The following ZNF578 variants were observed in gnomAD, a reference collection of about 807,000 sequenced individuals.
ZNF578 encodes Putative chemokine-related protein B42.
A neutral mutation model predicts 8.3 loss-of-function variants in ZNF578; 8 were observed. That is an observed-to-expected ratio of 0.96 (90% CI 0.56 to 1.74). The LOEUF is 1.74. Among genes scored for constraint, ZNF578 ranks in the 40% most tolerant of loss-of-function variants. The pLI is 0.00. For synonymous variants in ZNF578, 206 were observed against 232.2 expected, an observed-to-expected ratio of 0.89 and a Z score of 1.03; for missense variants, 726 against 707.5, an observed-to-expected ratio of 1.03 and a Z score of -0.30.
chr19:52,502,027 T>G lies in ZNF578; in HGVS notation c.63+119T>G, dbSNP rs186630461. ...AGTCTTTTCTGAGTCTGAAGCATTT[T>G]GCCTGACACGTTTGCTTGCACTCAC... is the stretch of plus-strand genomic sequence containing the variant. On this transcript the variant is annotated intron_variant, in intron 4 of 5. Transcript: ENST00000421239. 2.4e-4 allele frequency: 348 copies of G among 1,472,710 alleles called. 2 individuals are homozygous for G. The African/African-American group carries it at 4.4e-3, about 19-fold the overall frequency. 91.2% of individuals were successfully genotyped at this position (1,472,710 alleles called of 1,614,324 possible). A position where few individuals can be genotyped will look rare whatever the true frequency, so the allele number is the denominator to read the frequency against.
At chr19:52,480,753 C>G (rs935917565) in intron 2 of ZNF578, among the ~76,000 whole-genome samples, 1 of 151,630 alleles carries the variant, frequency 6.6e-6, no homozygotes, top group Non-Finnish European at 1.5e-5. Flanking sequence ...AAAAATTAGC[C>G]GGGCATGGTG....
intron 2 of ZNF578, among the ~76,000 whole-genome samples, chr19:52,489,990 C>T (rs1421763363): frequency 6.6e-6 from 1 of 152,192 alleles, no homozygotes; most frequent in Non-Finnish European, 1.5e-5. Context: ...ACACCATCTG[C>T]AGAAACATCC....
rs371541696 is a variant in ZNF578, at chr19:52,510,721, G to C, written c.340G>C (p.Glu114Gln). ...QEIEKDIHDFEFQSQKDERNG... is the reference protein window; with the variant it reads ...QEIEKDIHDFQFQSQKDERNG... ...AATTGAAAAAGATATTCATGACTTT[G>C]AGTTTCAGTCACAAAAAGATGAAAG... is the stretch of plus-strand genomic sequence containing the variant. The change falls in exon 6 of 6, where the codon GAG becomes CAG. Residue 114 changes from glutamate (E) to glutamine (Q), a missense_variant. By Grantham distance (29) the Glu-to-Gln change is conservative. Transcript: ENST00000421239. 22 of 1,612,434 alleles carry C rather than the reference G, an allele frequency of 1.4e-5. No homozygotes were observed. The highest frequency in any genetic ancestry group is 1.9e-5 in the Non-Finnish European group (22 of 1,179,620).
intron 2 of ZNF578, among the ~76,000 whole-genome samples, chr19:52,488,666 C>T (rs575102530): frequency 1.4e-4 from 22 of 152,048 alleles, no homozygotes; most frequent in South Asian, 1.2e-3. Flanking sequence ...CTCCTGTAAT[C>T]CCAGCTACTC....
At chr19:52,464,346 G>A (rs1459506085) in intron 2 of ZNF578, among the ~76,000 whole-genome samples, 3 of 152,100 alleles carry the variant, frequency 2.0e-5, no homozygotes, top group East Asian at 1.9e-4. Context: ...TGTGTAAGCC[G>A]GAATCTCCCC....
In ZNF578 at chr19:52,512,734, C is replaced by T. The variant is rs7259769; in HGVS notation, c.*580C>T. Among the ~76,000 whole-genome samples, 2 of 152,068 alleles carry T rather than the reference C, an allele frequency of 1.3e-5. No individual in the cohort carries two copies. Among genetic ancestry groups the T allele is most frequent in the Non-Finnish European group, 2.9e-5 (2 of 68,002 alleles). On this transcript the variant is annotated 3_prime_UTR_variant, in exon 6 of 6. Coordinates refer to ENST00000421239, the MANE Select transcript of ZNF578 (RefSeq NM_001099694.2). ...TCCGAGGTCACTCCTTGCAGAACAT[C>T]AGAAAATTCATTTTTGAGATAACTG...
At chr19:52,459,025 G>T (rs2059248083) in intron 2 of ZNF578, among the ~76,000 whole-genome samples, 1 of 152,062 alleles carries the variant, frequency 6.6e-6, no homozygotes, top group Admixed American at 6.5e-5. Context: ...TATTTCTTTT[G>T]TGTTTGAATG....
At chr19:52,504,582 C>T (rs1323170164) in intron 4 of ZNF578, 73 bp from the exon 5 acceptor site, 12 of 1,601,348 alleles carry the variant, frequency 7.5e-6, no homozygotes, top group African/African-American at 2.7e-5. Context: ...CTTATTTTCT[C>T]TTTTCTCATT....
intron 2 of ZNF578, among the ~76,000 whole-genome samples, chr19:52,464,374 T>G (rs1014608366): frequency 1.3e-5 from 2 of 152,180 alleles, no homozygotes; most frequent in African/African-American, 4.8e-5. Flanking sequence ...TGAGAAGAGA[T>G]TAGACATAGC....
At chr19:52,488,107 C>A (rs1385273962) in intron 2 of ZNF578, among the ~76,000 whole-genome samples, 2 of 152,008 alleles carry the variant, frequency 1.3e-5, no homozygotes, top group African/African-American at 4.8e-5. Context: ...TTGCACCACC[C>A]CACCCAGCTA....
At chr19:52,504,481 A>G (rs948433726) in intron 4 of ZNF578, among the ~76,000 whole-genome samples, 174 bp from the exon 5 acceptor site, 2 of 152,204 alleles carry the variant, frequency 1.3e-5, no homozygotes, top group African/African-American at 4.8e-5. Context: ...TCTTTCAAGG[A>G]AAAGTACAAT....
chr19:52,479,678 G>C (rs1397396073), intron 2 of ZNF578, among the ~76,000 whole-genome samples: 3 of 151,994 alleles, frequency 2.0e-5, no homozygotes, highest in Non-Finnish European at 4.4e-5. Context: ...AAAACAGTAA[G>C]ATAGTTTGAG....
In ZNF578 at chr19:52,511,868, C is replaced by G. The variant is rs181570423; in HGVS notation, c.1487C>G (p.Ser496Ter). ...NECHKTFSHR[S>*]SLPCHRRLHS... ...TGTCACAAGACCTTCAGTCACAGGT[C>G]ATCTCTTCCATGCCATCGTAGACTT... Residue 496 changes from serine to a stop codon, truncating the protein, a stop_gained, in exon 6 of 6, where the codon TCA becomes TGA. Coordinates refer to ENST00000421239, the MANE Select transcript of ZNF578 (RefSeq NM_001099694.2). LOFTEE classifies it low-confidence loss of function (END_TRUNC). The G allele has an allele frequency of 4.3e-6, 7 of 1,613,628 alleles. No homozygotes were observed. The highest frequency in any genetic ancestry group is 1.3e-5 in the African/African-American group (1 of 74,796).
chr19:52,480,562 C>G (rs8182524), intron 2 of ZNF578, among the ~76,000 whole-genome samples: 15,182 of 151,172 alleles, frequency 0.1, 1,291 homozygotes, highest in East Asian at 0.33. Context: ...CTGGATATTG[C>G]AGTTTACTTT....
At chr19:52,482,403 C>T (rs796731607) in intron 2 of ZNF578, among the ~76,000 whole-genome samples, 6 of 152,062 alleles carry the variant, frequency 3.9e-5, no homozygotes, top group Admixed American at 1.3e-4. Context: ...TTTGGGAGGC[C>T]GAGGTACGTG....
intron 2 of ZNF578, among the ~76,000 whole-genome samples, chr19:52,489,212 A>G (rs1481539565): frequency 1.3e-5 from 2 of 151,858 alleles, no homozygotes; most frequent in African/African-American, 4.8e-5. Context: ...ATGCCACAAT[A>G]GTGCAGCCTG....
rs146945508 is a variant in ZNF578, at chr19:52,467,385, C to T, written c.-122+10427C>T. Among the ~76,000 whole-genome samples, 567 of 151,896 alleles carry T rather than the reference C, an allele frequency of 3.7e-3. 10 individuals carry two copies. The East Asian group carries it at 0.054, about 14-fold the overall frequency. ...GGTGGAGGTTGTGGTGAGCTGAGATCGCACCACTGCACTCCAGCCTGGGCA... is the reference window on the plus strand; with the variant it reads ...GGTGGAGGTTGTGGTGAGCTGAGATTGCACCACTGCACTCCAGCCTGGGCA... On this transcript the variant is annotated intron_variant, in intron 2 of 5. Coordinates refer to ENST00000421239, the MANE Select transcript of ZNF578 (RefSeq NM_001099694.2).
At position 52,513,284 on chromosome 19, in the gene ZNF578, A is replaced by T. The variant is rs567063826; in HGVS notation, c.*1130A>T. Among the ~76,000 whole-genome samples the T allele has an allele frequency of 1.7e-4, 26 of 148,618 alleles. No homozygotes were observed. Among genetic ancestry groups the T allele is most frequent in the African/African-American group, 6.2e-4 (25 of 40,268 alleles). ...TGATCCGCCCACCTCAGCCTCCCAA[A>T]GTGATGAGATTACAGGCATATGCCA... On this transcript the variant is annotated 3_prime_UTR_variant, in exon 6 of 6. Coordinates refer to ENST00000421239, the MANE Select transcript of ZNF578 (RefSeq NM_001099694.2).
chr19:52,479,665 A>G (rs2059319358), intron 2 of ZNF578, among the ~76,000 whole-genome samples: 1 of 152,176 alleles, frequency 6.6e-6, no homozygotes, highest in Non-Finnish European at 1.5e-5. Context: ...CCATTGTGTC[A>G]GTAAAACAGT....
Sources: gnomAD v4.1 joint callset for allele counts (sites outside exome capture counted in the v4.1 genomes callset) on GRCh38, gnomAD v4.1.1 for gene constraint, MANE v1.5 for transcripts, NCBI Gene and HGNC (gene_info 2026-07-23, HGNC 2026-07-21) for gene names.